The following SHROOM4 variants were observed in gnomAD, a reference collection of about 807,000 sequenced individuals.
SHROOM4 encodes the protein protein Shroom4.
Under a neutral mutation model 80.3 loss-of-function variants are expected in SHROOM4, and 17 were observed. The ratio of observed to expected loss-of-function variants is 0.21; its 90% CI spans 0.14 to 0.32. The LOEUF (loss-of-function observed/expected upper bound fraction) is 0.32, where lower values mean the gene tolerates loss of function less well. SHROOM4 is among the 10% of genes least tolerant of loss of function. The pLI is 1.00. For missense variants in SHROOM4, 993 were observed against 1,140.3 expected, an observed-to-expected ratio of 0.87 and a Z score of 1.86; for synonymous variants, 400 against 437.5, an observed-to-expected ratio of 0.91 and a Z score of 1.07.
At chrX:50,714,646 C>T (rs1328668841) in intron 1 of SHROOM4, among the ~76,000 whole-genome samples, 3 of 111,983 alleles carry the variant, frequency 2.7e-5, no homozygotes, top group Middle Eastern at 4.2e-3. Context: ...TTTTAAAATG[C>T]ACTTCAACAC....
intron 8 of SHROOM4, 135 bp downstream of exon 8, chrX:50,598,131 G>T: frequency 1.1e-6 from 1 of 874,363 alleles, no homozygotes; most frequent in Admixed American, 2.3e-5. Context: ...GAGCCACCGT[G>T]CCCATCCTCA....
At chrX:50,765,965 C>T (rs1557269296) in intron 1 of SHROOM4, among the ~76,000 whole-genome samples, 2 of 112,009 alleles carry the variant, frequency 1.8e-5, no homozygotes, top group South Asian at 3.8e-4. Flanking sequence ...ACTACCTTCA[C>T]CTGGTATGTT....
chrX:50,743,583 G>A (rs1557267411), intron 1 of SHROOM4, among the ~76,000 whole-genome samples: 1 of 110,113 alleles, frequency 9.1e-6, no homozygotes, highest in African/African-American at 3.3e-5. Flanking sequence ...TCAGCTTCCT[G>A]AGTAGCTCAG....
At chrX:50,684,330 T>A (rs921427054) in intron 2 of SHROOM4, among the ~76,000 whole-genome samples, 28 of 110,865 alleles carry the variant, frequency 2.5e-4, no homozygotes, top group African/African-American at 8.9e-4. Context: ...AAGGAATGCC[T>A]AGGGTTGCTG....
At chrX:50,655,527 A>G (rs980615740) in intron 2 of SHROOM4, among the ~76,000 whole-genome samples, 1 of 106,660 alleles carries the variant, frequency 9.4e-6, no homozygotes, top group Admixed American at 1.0e-4. Flanking sequence ...TTATATATGA[A>G]ATATATATTA....
At chrX:50,653,951 C>T (rs1351933120) in intron 2 of SHROOM4, among the ~76,000 whole-genome samples, 1 of 111,744 alleles carries the variant, frequency 8.9e-6, no homozygotes, top group African/African-American at 3.3e-5. Flanking sequence ...GATTCTAATG[C>T]ACGCTCATAA....
rs1557245349 is a variant in SHROOM4, at chrX:50,591,056, A to G, written c.*5639T>C. On this transcript the variant is annotated 3_prime_UTR_variant, in exon 9 of 9. Coordinates refer to ENST00000376020, the MANE Select transcript of SHROOM4 (RefSeq NM_020717.5). ...AGAATTTTATAATTTTGACTCTTAC[A>G]TTCTATAATCCATTTTGAGTTGATT... Among the ~76,000 whole-genome samples, 1 of 112,373 alleles carries G rather than the reference A, an allele frequency of 8.9e-6. No homozygotes were observed. Among genetic ancestry groups the G allele is most frequent in the Non-Finnish European group, 1.9e-5 (1 of 53,273 alleles).
In SHROOM4 at chrX:50,608,113, A is replaced by G. The variant is rs1194124088; in HGVS notation, c.3029T>C (p.Leu1010Pro). 4.1e-6 allele frequency: 5 copies of G among 1,209,939 alleles called. No individual in the cohort carries two copies. The highest frequency in any genetic ancestry group is 5.9e-5 in the East Asian group (2 of 33,753). The change falls in exon 6 of 9, where the codon CTG becomes CCG. Residue 1010 changes from leucine to proline, a missense_variant. Physicochemically the swap from Leu to Pro is moderately conservative, Grantham distance 98. Transcript: ENST00000376020. ...PFHPCLENPA[L>P]DLSSYRAISS... ...AATTGCTCGGTAGCTTGACAAGTCC[A>G]GTGCTGGGTTCTCAAGGCAAGGATG...
At chrX:50,795,721 T>C (rs1463924374) in intron 1 of SHROOM4, among the ~76,000 whole-genome samples, 1 of 112,129 alleles carries the variant, frequency 8.9e-6, no homozygotes, top group Non-Finnish European at 1.9e-5. Context: ...TATGGGTATG[T>C]GCTCTGGAGA....
chrX:50,581,247 C>A, the SHROOM4 span, among the ~76,000 whole-genome samples: 2 of 112,072 alleles, frequency 1.8e-5, no homozygotes, highest in African/African-American at 6.5e-5. Context: ...TAAAAATTGG[C>A]TACTAACATT....
At position 50,789,341 on chromosome X, in the gene SHROOM4, G is replaced by GA. The variant is rs782112418; in HGVS notation, c.117+24560dup. Among the ~76,000 whole-genome samples the GA allele has an allele frequency of 8.2e-5, 9 of 109,644 alleles. No homozygotes were observed. In the East Asian group the frequency reaches 8.6e-4, roughly 10 times the overall value. ...GGAATGAAACTAGAAATCAATATCA[G>GA]AAAAAAAACTGGCAAATTCAAAAAT... On this transcript the variant is annotated intron_variant, in intron 1 of 8. Transcript: ENST00000376020.
At chrX:50,576,280 G>A in the SHROOM4 span, among the ~76,000 whole-genome samples, 1 of 111,797 alleles carries the variant, frequency 8.9e-6, no homozygotes, top group African/African-American at 3.3e-5. Context: ...ATCTGGAGAA[G>A]GCATGAGCCT....
chrX:50,655,125 C>CT (rs781949862), intron 2 of SHROOM4, among the ~76,000 whole-genome samples: 2 of 109,323 alleles, frequency 1.8e-5, no homozygotes, highest in South Asian at 4.0e-4. Flanking sequence ...TGATTTCATT[C>CT]TTTTTTATGG....
intron 1 of SHROOM4, among the ~76,000 whole-genome samples, chrX:50,728,639 C>T (rs978512057): frequency 2.7e-5 from 3 of 112,010 alleles, no homozygotes; most frequent in Non-Finnish European, 3.8e-5. Flanking sequence ...CAAAGTAAAA[C>T]TAATCCCTAG....
intron 1 of SHROOM4, among the ~76,000 whole-genome samples, chrX:50,813,026 G>C (rs1360920392): frequency 9.0e-6 from 1 of 111,495 alleles, no homozygotes; most frequent in African/African-American, 3.3e-5. Context: ...TCACCCCTAC[G>C]GGGGAGGCTC....
rs892752924 is a variant in SHROOM4, at chrX:50,763,590, C to T, written c.117+50312G>A. On this transcript the variant is annotated intron_variant, in intron 1 of 8. Coordinates refer to ENST00000376020, the MANE Select transcript of SHROOM4 (RefSeq NM_020717.5). Reference sequence around the variant, plus strand: ...TCTTGTGAAGTCTAATTTCCCTGCACTGTGAAATCTCCAATGTTACTGCTC... The same window carrying T: ...TCTTGTGAAGTCTAATTTCCCTGCATTGTGAAATCTCCAATGTTACTGCTC... Among the ~76,000 whole-genome samples, 13 of 111,973 alleles carry T rather than the reference C, an allele frequency of 1.2e-4. No individual in the cohort carries two copies. The East Asian group carries it at 1.4e-3, about 12-fold the overall frequency.
intron 6 of SHROOM4, among the ~76,000 whole-genome samples, chrX:50,605,232 T>G (rs1404633490): frequency 8.9e-6 from 1 of 111,808 alleles, no homozygotes; most frequent in African/African-American, 3.3e-5. Flanking sequence ...TTTTTTCATC[T>G]AAGAAATGGA....
At chrX:50,798,401 G>A (rs782458084) in intron 1 of SHROOM4, among the ~76,000 whole-genome samples, 13 of 111,789 alleles carry the variant, frequency 1.2e-4, no homozygotes, top group Non-Finnish European at 2.4e-4. Context: ...AAGCTTCCCA[G>A]CAAAGTTGTA....
chrX:50,671,452 C>T (rs1235021989), intron 2 of SHROOM4, among the ~76,000 whole-genome samples: 1 of 112,084 alleles, frequency 8.9e-6, no homozygotes, highest in Non-Finnish European at 1.9e-5. Context: ...AGTGTAGCCA[C>T]CTTCGTCAAT....
Sources: gnomAD v4.1 joint callset for allele counts (sites outside exome capture counted in the v4.1 genomes callset) on GRCh38, gnomAD v4.1.1 for gene constraint, MANE v1.5 for transcripts, NCBI Gene and HGNC (gene_info 2026-07-23, HGNC 2026-07-21) for gene names.